Variants in FBXO22 observed in about 807,000 individuals in gnomAD.
FBXO22 encodes F-box protein 22.
In FBXO22, 13 loss-of-function variants were observed where a neutral mutation model predicts 37.2. That is an observed-to-expected ratio of 0.35 (90% confidence interval 0.23 to 0.56). The LOEUF is 0.56. FBXO22 is among the 20% of genes least tolerant of loss of function. The pLI is 0.87. For synonymous variants in FBXO22, 189 were observed against 189.1 expected (o/e 1.00, Z 0.00); for missense variants, 446 against 509.9 (o/e 0.87, Z 1.21).
At chr15:75,907,120 T>C (rs1479184371) in intron 2 of FBXO22, among the ~76,000 whole-genome samples, 1 of 152,344 alleles carries the variant, frequency 6.6e-6, no homozygotes, top group East Asian at 1.9e-4. Flanking sequence ...GATTTTTCTA[T>C]AGCTTTAAGA....
chr15:75,910,090 A>G (rs1900020922), intron 2 of FBXO22, among the ~76,000 whole-genome samples: 2 of 152,212 alleles, frequency 1.3e-5, no homozygotes, highest in South Asian at 4.1e-4. Context: ...TGCAAAGGAC[A>G]TGAGTGCATC....
chr15:75,909,731 A>C (rs1411468289), intron 2 of FBXO22, among the ~76,000 whole-genome samples: 2 of 151,790 alleles, frequency 1.3e-5, no homozygotes, highest in African/African-American at 4.8e-5. Flanking sequence ...GCCAACATTG[A>C]CCTGAAAGAA....
chr15:75,927,821 G>A lies in FBXO22; in HGVS notation c.629-2063G>A, dbSNP rs555618737. Among the ~76,000 whole-genome samples, 6 of 152,216 alleles carry A rather than the reference G, an allele frequency of 3.9e-5. No individual in the cohort carries two copies. The East Asian group carries it at 1.2e-3, about 29-fold the overall frequency. Reference sequence around the variant, plus strand: ...TCATTCACGCATCTGCATACCCTTTGTTTCCTTAAGTAACTCTCCTTTCTG... The same window carrying A: ...TCATTCACGCATCTGCATACCCTTTATTTCCTTAAGTAACTCTCCTTTCTG... On this transcript the variant is annotated intron_variant, in intron 5 of 6. Transcript: ENST00000308275.
chr15:75,913,180 CA>C, intron 2 of FBXO22, 22 bp from the exon 3 acceptor site: 5 of 1,514,728 alleles, frequency 3.3e-6, no homozygotes, highest in Non-Finnish European at 4.5e-6. Flanking sequence ...GATCCAATTC[CA>C]ATTTTTTTTT....
At chr15:75,918,936 T>C (rs1900253431) in intron 5 of FBXO22, among the ~76,000 whole-genome samples, 1 of 152,168 alleles carries the variant, frequency 6.6e-6, no homozygotes, top group African/African-American at 2.4e-5. Flanking sequence ...ACATGGAGAC[T>C]ATAGTCAGTG....
rs2030089269 is a variant in FBXO22 at position 75,932,704 on chromosome 15, G to A, written c.814G>A (p.Ala272Thr). 1 of 1,597,826 alleles carries A rather than the reference G, an allele frequency of 6.3e-7. No individual in the cohort carries two copies. Among genetic ancestry groups the A allele is most frequent in the African/African-American group, 1.3e-5 (1 of 74,162 alleles). ...TTCCAGGAACCCTCTGGATATTGAT[G>A]CCTCGGGTGTGGTTGGACTGTCATT... ...TSEKNPLDIDASGVVGLSFSG... is the reference protein window; with the variant it reads ...TSEKNPLDIDTSGVVGLSFSG... The change falls in exon 7 of 7, where the codon GCC becomes ACC. Residue 272 changes from alanine (A) to threonine (T), a missense_variant. By Grantham distance (58) the Ala-to-Thr change is moderately conservative. Transcript: ENST00000308275.
rs532120363 is a variant in FBXO22 at position 75,938,266 on chromosome 15, A to G, written c.*5164A>G. ...ATAATTTGGAAAACTCTCAAAACAAATGGATGACAGCTTTTAAAAATAAAA... is the reference window on the plus strand; with the variant it reads ...ATAATTTGGAAAACTCTCAAAACAAGTGGATGACAGCTTTTAAAAATAAAA... On this transcript the variant is annotated 3_prime_UTR_variant, in exon 7 of 7. Transcript: ENST00000308275. The G allele has an allele frequency of 2.6e-5, 4 of 152,336 alleles. No individual in the cohort carries two copies. The South Asian group carries it at 6.2e-4, about 24-fold the overall frequency. The allele number at this position is 152,336 out of a possible 1,614,324, so 9.4% of individuals were successfully genotyped here.
At chr15:75,912,859 G>A (rs1335224884) in intron 2 of FBXO22, among the ~76,000 whole-genome samples, 1 of 151,968 alleles carries the variant, frequency 6.6e-6, no homozygotes, top group Non-Finnish European at 1.5e-5. Context: ...GTGATGTTAG[G>A]GTGTCAATTT....
At chr15:75,923,616 A>G (rs1490068621) in intron 5 of FBXO22, among the ~76,000 whole-genome samples, 2 of 152,182 alleles carry the variant, frequency 1.3e-5, no homozygotes, top group Non-Finnish European at 2.9e-5. Flanking sequence ...TTTTCAAAAT[A>G]ACACTCTTGC....
At position 75,932,740 on chromosome 15, in the gene FBXO22, C is replaced by T. The variant is rs2030091401; in HGVS notation, c.850C>T (p.Arg284Ter). 6 of 1,614,040 alleles carry T rather than the reference C, an allele frequency of 3.7e-6. No homozygotes were observed. The highest frequency in any genetic ancestry group is 1.1e-5 in the South Asian group (1 of 91,060). ...GGTTGGACTGTCATTTAGTGGACAC[C>T]GAATCCAGAGTGCCACTGTGCTCCT... The part of the protein sequence containing the change: ...GVVGLSFSGH[R>*]IQSATVLLNE... The change falls in exon 7 of 7, where the codon CGA becomes TGA. Residue 284 changes from arginine to a stop codon, truncating the protein, a stop_gained. Coordinates refer to ENST00000308275, the MANE Select transcript of FBXO22 (RefSeq NM_147188.3). LOFTEE classifies it high-confidence loss of function.
chr15:75,917,379 C>G lies in FBXO22; in HGVS notation c.613C>G (p.Gln205Glu). ...DPKNLTLERHQLTEVGLLDNP... is the reference protein window; with the variant it reads ...DPKNLTLERHELTEVGLLDNP... ...AAAGAATTTAACATTAGAAAGACAT[C>G]AACTCACTGAAGTAGGTAAGTTACT... is the stretch of plus-strand genomic sequence containing the variant. Residue 205 changes from glutamine (Q) to glutamate (E), a missense_variant, in exon 5 of 7, where the codon CAA (glutamine) becomes GAA (glutamate). This residue lies in a region of FBXO22 where 315 missense variants were observed against 410.1 expected (regional missense o/e 0.77). Coordinates refer to ENST00000308275, the MANE Select transcript of FBXO22 (RefSeq NM_147188.3). The G allele has an allele frequency of 1.3e-6, 2 of 1,588,458 alleles. No homozygotes were observed. Among genetic ancestry groups the G allele is most frequent in the South Asian group, 1.1e-5 (1 of 89,362 alleles).
Position 75,913,310 on chromosome 15 carries a change from C to G in FBXO22, c.367+20C>G, listed in dbSNP as rs758292404. On this transcript the variant is annotated intron_variant, in intron 3 of 6. Transcript: ENST00000308275. ...AGAGAGGTAAATATCAAAAGAAAAG[C>G]TTTTGCTTCTGTTTTTTTATCATGT... The G allele has an allele frequency of 1.7e-5, 26 of 1,530,742 alleles. No individual in the cohort carries two copies. Among genetic ancestry groups the G allele is most frequent in the Non-Finnish European group, 2.2e-5 (25 of 1,111,124 alleles). The allele number at this position is 1,530,742 out of a possible 1,614,324, so 94.8% of individuals were successfully genotyped here.
At position 75,938,600 on chromosome 15, in the gene FBXO22, T is replaced by G. The variant is rs1238286649; in HGVS notation, c.*5498T>G. On this transcript the variant is annotated 3_prime_UTR_variant, in exon 7 of 7. Coordinates refer to ENST00000308275, the MANE Select transcript of FBXO22 (RefSeq NM_147188.3). ...CAACAGATAGGCATTATAAAAAAAT[T>G]CTGGCAGAGAAAAGTATAATAAATG... 1 of 152,094 alleles carries G rather than the reference T, an allele frequency of 6.6e-6. No homozygotes were observed. The highest frequency in any genetic ancestry group is 1.9e-4 in the East Asian group (1 of 5,200). 9.4% of individuals were successfully genotyped at this position (152,094 alleles called of 1,614,324 possible).
intron 2 of FBXO22, 81 bp from the exon 3 acceptor site, chr15:75,913,122 C>G (rs529086940): frequency 1.7e-5 from 15 of 861,590 alleles, no homozygotes; most frequent in African/African-American, 1.2e-4. Flanking sequence ...GCACTATGGA[C>G]TGGGTGATAC....
At chr15:75,928,550 AAG>A (rs755201876) in intron 5 of FBXO22, among the ~76,000 whole-genome samples, 2 of 152,272 alleles carry the variant, frequency 1.3e-5, no homozygotes, top group East Asian at 3.9e-4. Context: ...CATCGACGCA[AAG>A]AGGGGCACAA....
chr15:75,939,690 A>G lies in FBXO22; in HGVS notation c.*6588A>G, dbSNP rs1041412881. 1.3e-5 allele frequency: 2 copies of G among 152,192 alleles called. No individual in the cohort carries two copies. Among genetic ancestry groups the G allele is most frequent in the Non-Finnish European group, 2.9e-5 (2 of 68,014 alleles). The allele number at this position is 152,192 out of a possible 1,614,324, so 9.4% of individuals were successfully genotyped here. A position where few individuals can be genotyped will look rare whatever the true frequency, so the allele number is the denominator to read the frequency against. ...CATATTAAAAGGATTGTACACCACGACCAAATGGAATGAATTCCTGGAATG... is the reference window on the plus strand; with the variant it reads ...CATATTAAAAGGATTGTACACCACGGCCAAATGGAATGAATTCCTGGAATG... On this transcript the variant is annotated 3_prime_UTR_variant, in exon 7 of 7. Transcript: ENST00000308275.
chr15:75,904,374 G>A, intron 1 of FBXO22, 117 bp from the exon 2 acceptor site: 9 of 1,474,840 alleles, frequency 6.1e-6, no homozygotes, highest in Non-Finnish European at 8.4e-6. Context: ...CCTACCCCGG[G>A]GACTTTGGAT....
intron 2 of FBXO22, among the ~76,000 whole-genome samples, chr15:75,906,247 A>G (rs1899927215): frequency 6.6e-6 from 1 of 152,078 alleles, no homozygotes; most frequent in South Asian, 2.1e-4. Flanking sequence ...ATTGGCCATT[A>G]AGCCCTGGCT....
chr15:75,934,755 C>T lies in FBXO22; in HGVS notation c.*1653C>T, dbSNP rs1226611059. The T allele has an allele frequency of 6.6e-6, 1 of 152,142 alleles. No individual in the cohort carries two copies. The highest frequency in any genetic ancestry group is 2.4e-5 in the African/African-American group (1 of 41,418). The allele number at this position is 152,142 out of a possible 1,614,324, so 9.4% of individuals were successfully genotyped here. ...CTCAAAATTTTAGTCCTTGAATGTGCTCATATAGCCCATAAGGCAAATATT... is the reference window on the plus strand; with the variant it reads ...CTCAAAATTTTAGTCCTTGAATGTGTTCATATAGCCCATAAGGCAAATATT... On this transcript the variant is annotated 3_prime_UTR_variant, in exon 7 of 7. Coordinates refer to ENST00000308275, the MANE Select transcript of FBXO22 (RefSeq NM_147188.3).
Sources: gnomAD v4.1 joint callset for allele counts (sites outside exome capture counted in the v4.1 genomes callset) on GRCh38, gnomAD v4.1.1 for gene constraint, gnomAD v4.1.1 regional missense constraint, MANE v1.5 for transcripts, NCBI Gene and HGNC (gene_info 2026-07-23, HGNC 2026-07-21) for gene names.